SHQ1: variants seen among roughly 807,000 people sequenced by gnomAD.
The protein encoded by SHQ1 is SHQ1, H/ACA ribonucleoprotein assembly factor.
A neutral mutation model predicts 53.8 loss-of-function variants in SHQ1; 49 were observed. The ratio of observed to expected loss-of-function variants is 0.91; its 90% CI spans 0.72 to 1.16. The LOEUF is 1.16. SHQ1 is among the 50% of genes most tolerant of loss of function. SHQ1 has a pLI of 0.00. For missense variants in SHQ1, 738 were observed against 683.1 expected, an observed-to-expected ratio of 1.08 and a Z score of -0.90; for synonymous variants, 243 against 251.0, an observed-to-expected ratio of 0.97 and a Z score of 0.30.
intron 9 of SHQ1, among the ~76,000 whole-genome samples, chr3:72,809,175 G>A (rs1163701879): frequency 1.3e-5 from 2 of 152,052 alleles, no homozygotes; most frequent in East Asian, 3.9e-4. Flanking sequence ...GGAGGTAAGT[G>A]GTATGTCCTG....
chr3:72,812,864 T>G, intron 8 of SHQ1, 70 bp from the exon 9 acceptor site: 1 of 1,564,180 alleles, frequency 6.4e-7, no homozygotes, highest in Non-Finnish European at 8.7e-7. Flanking sequence ...CACAATGAAA[T>G]AGGAAGCTTT....
At chr3:72,748,357 A>AAAAAAAAAAAAAAAAAAAAT, downstream of SHQ1, among the ~76,000 whole-genome samples, 1 of 138,948 alleles carries the variant, frequency 7.2e-6, no homozygotes, top group Non-Finnish European at 1.6e-5. Context: ...AAAAAAAAAA[A>AAAAAAAAAAAAAAAAAAAAT]AAAAGACTCA....
At chr3:72,797,121 G>A (rs1441045978) in intron 9 of SHQ1, among the ~76,000 whole-genome samples, 1 of 151,980 alleles carries the variant, frequency 6.6e-6, no homozygotes, top group Non-Finnish European at 1.5e-5. Flanking sequence ...AGCCGGGCAT[G>A]ATAGCAGGTG....
rs975705364 is a variant in SHQ1, at chr3:72,820,174, T to C, written c.728-2790A>G. 4.6e-5 allele frequency among the ~76,000 whole-genome samples: 7 copies of C among 152,230 alleles called. 1 individual carries two copies. The South Asian group carries it at 8.3e-4, about 18-fold the overall frequency. ...TTATGCCTTCATTTTTAAGTAATCA[T>C]ACCTATCGACGTTTATCCATTTATA... On this transcript the variant is annotated intron_variant, in intron 6 of 10. Transcript: ENST00000325599.
chr3:72,848,109 C>G, intron 1 of SHQ1, 89 bp downstream of exon 1: 1 of 1,512,092 alleles, frequency 6.6e-7, no homozygotes, highest in Non-Finnish European at 9.1e-7. Context: ...TTCGCGCAAT[C>G]GAGCACTGCT....
At chr3:72,730,421 T>C in the SHQ1 span, among the ~76,000 whole-genome samples, 1 of 152,186 alleles carries the variant, frequency 6.6e-6, no homozygotes, top group Non-Finnish European at 1.5e-5. Flanking sequence ...GTTTAAAAAT[T>C]CTTTAAAATG....
At chr3:72,841,805 CTT>C (rs1446040769) in intron 3 of SHQ1, among the ~76,000 whole-genome samples, 1 of 152,200 alleles carries the variant, frequency 6.6e-6, no homozygotes, top group East Asian at 1.9e-4. Context: ...AACCTAGACC[CTT>C]CGCAGGCACA....
chr3:72,812,919 G>C (rs1235431281), intron 8 of SHQ1, 125 bp from the exon 9 acceptor site: 1 of 958,114 alleles, frequency 1.0e-6, no homozygotes, highest in African/African-American at 1.7e-5. Context: ...AAGCCAAGTA[G>C]AAGAGAAACA....
At chr3:72,815,237 GC>G (rs1389247874) in intron 8 of SHQ1, 112 bp downstream of exon 8, 3 of 823,738 alleles carry the variant, frequency 3.6e-6, no homozygotes, top group Non-Finnish European at 6.1e-6. Context: ...GTACAATAGA[GC>G]TTCTACTTTT....
chr3:72,772,223 GAA>G (rs753826204), intron 10 of SHQ1, among the ~76,000 whole-genome samples: 1 of 131,412 alleles, frequency 7.6e-6, no homozygotes, highest in African/African-American at 2.8e-5. Context: ...GTGCCAAAGC[GAA>G]AAAAAAAAAA....
At chr3:72,753,183 T>C (rs1705426071) in intron 10 of SHQ1, 1 of 985,396 alleles carries the variant, frequency 1.0e-6, no homozygotes, top group Middle Eastern at 5.2e-4. Context: ...GTGGTAAACA[T>C]GCTGACATGG....
At chr3:72,793,707 TAAC>T in intron 9 of SHQ1, 1 of 152,138 alleles carries the variant, frequency 6.6e-6, no homozygotes, top group African/African-American at 2.4e-5. Context: ...GCTTTCAACA[TAAC>T]ATGGAAAACT....
intron 10 of SHQ1, among the ~76,000 whole-genome samples, chr3:72,789,897 T>A (rs2106786467): frequency 6.6e-6 from 1 of 152,364 alleles, no homozygotes; most frequent in South Asian, 2.1e-4. Context: ...TTTATCTTTT[T>A]TCTTCCACAT....
chr3:72,814,243 C>T (rs1707234052), intron 8 of SHQ1, among the ~76,000 whole-genome samples: 1 of 152,128 alleles, frequency 6.6e-6, no homozygotes, highest in South Asian at 2.1e-4. Context: ...ATCCAGTCAC[C>T]AACTACTTTC....
intron 6 of SHQ1, among the ~76,000 whole-genome samples, chr3:72,817,926 T>A (rs913240657): frequency 5.3e-5 from 8 of 152,218 alleles, no homozygotes; most frequent in Non-Finnish European, 1.2e-4. Context: ...CCACATCACA[T>A]ACGTTAGACT....
chr3:72,783,177 C>T (rs1706121772), intron 10 of SHQ1, among the ~76,000 whole-genome samples: 1 of 152,146 alleles, frequency 6.6e-6, no homozygotes, highest in South Asian at 2.1e-4. Flanking sequence ...AACACAGCCA[C>T]CCAGCCACAG....
chr3:72,735,484 G>T, the SHQ1 span, among the ~76,000 whole-genome samples: 1 of 137,194 alleles, frequency 7.3e-6, no homozygotes, highest in Non-Finnish European at 1.6e-5. Flanking sequence ...GACAATACAA[G>T]TCCCACTGTG....
In SHQ1 at chr3:72,813,760, CAAAAAAAAAA is replaced by C. The variant is rs757465696; in HGVS notation, c.937-976_937-967del. Among the ~76,000 whole-genome samples the C allele has an allele frequency of 1.3e-3, 52 of 40,524 alleles. 1 individual carries two copies. The highest frequency in any genetic ancestry group is 1.6e-3 in the Non-Finnish European group (32 of 19,532). The allele number at this position is 40,524 out of a possible 152,430, so 26.6% of individuals were successfully genotyped here. On this transcript the variant is annotated intron_variant, in intron 8 of 10. Coordinates refer to ENST00000325599, the MANE Select transcript of SHQ1 (RefSeq NM_018130.3). The stretch of plus-strand genomic sequence containing the variant: ...TAGGTGACAGAGCGAGACACCATCT[CAAAAAAAAAA>C]AAAAAAAAAAATACATAGAACTCTT...
the SHQ1 span, among the ~76,000 whole-genome samples, chr3:72,727,337 C>T: frequency 6.6e-6 from 1 of 152,170 alleles, no homozygotes; most frequent in African/African-American, 2.4e-5. Context: ...GCCTCACCAC[C>T]CAACCTCGTG....
Sources: gnomAD v4.1 joint callset for allele counts (sites outside exome capture counted in the v4.1 genomes callset) on GRCh38, gnomAD v4.1.1 for gene constraint, MANE v1.5 for transcripts, NCBI Gene and HGNC (gene_info 2026-07-23, HGNC 2026-07-21) for gene names.